Variants in CISD3 observed in about 807,000 individuals in gnomAD.
CISD3 encodes CDGSH iron sulfur domain 3.
CISD3 carries 11 observed loss-of-function variants against 14.1 expected under a neutral mutation model. The ratio of observed to expected loss-of-function variants is 0.78; its 90% CI spans 0.49 to 1.29. CISD3 has a LOEUF of 1.29. Ranked by LOEUF, CISD3 falls within the 50% of genes most tolerant of loss-of-function variation. The pLI is 0.00. For missense variants in CISD3, 156 were observed against 171.6 expected, an observed-to-expected ratio of 0.91 and a Z score of 0.51; for synonymous variants, 53 against 69.2, an observed-to-expected ratio of 0.77 and a Z score of 1.16.
At chr17:38,732,934 CAG>C (rs1468409140) in intron 3 of CISD3, among the ~76,000 whole-genome samples, 40 of 101,140 alleles carry the variant, frequency 4.0e-4, no homozygotes, top group African/African-American at 1.1e-3. Context: ...AGTGGAGACT[CAG>C]AGACACACAC....
intron 2 of CISD3, 130 bp downstream of exon 2, chr17:38,730,925 G>A: frequency 9.7e-7 from 1 of 1,026,680 alleles, no homozygotes; most frequent in South Asian, 1.5e-5. Flanking sequence ...GGCTCTCAGG[G>A]AGGTGGGGCG....
At chr17:38,731,126 T>C (rs1238123139) in intron 2 of CISD3, 194 bp from the exon 3 acceptor site, 8 of 741,558 alleles carry the variant, frequency 1.1e-5, no homozygotes, top group Non-Finnish European at 1.4e-5. Flanking sequence ...TGCATGGCTT[T>C]GAAATCTCCC....
chr17:38,730,769 C>G lies in CISD3; in HGVS notation c.58C>G (p.Pro20Ala), dbSNP rs572450635. Residue 20 changes from proline (P) to alanine (A), a missense_variant, in exon 2 of 4, where the codon CCG becomes GCG. Pro to Ala is a conservative substitution (Grantham distance 27, BLOSUM62 -1). Transcript: ENST00000613478. Reference protein sequence around the residue: ...PAARGARDLNPRRDISSWLAQ... With the variant: ...PAARGARDLNARRDISSWLAQ... ...CTTGCGTACCTTGCAGGACCTGAAC[C>G]CGCGGCGGGACATCTCCTCCTGGCT... 6 of 1,551,730 alleles carry G rather than the reference C, an allele frequency of 3.9e-6. No individual in the cohort carries two copies. Among genetic ancestry groups the G allele is most frequent in the Admixed American group, 2.0e-5 (1 of 50,996 alleles).
At chr17:38,731,251 G>T in intron 2 of CISD3, 69 bp from the exon 3 acceptor site, 1 of 1,526,718 alleles carries the variant, frequency 6.5e-7, no homozygotes, top group Non-Finnish European at 8.8e-7. Flanking sequence ...AAACTAGGAA[G>T]GGTCGCAGGC....
At position 38,733,562 on chromosome 17, in the gene CISD3, C is replaced by T; in HGVS notation, c.*107C>T. On this transcript the variant is annotated 3_prime_UTR_variant, in exon 4 of 4. Coordinates refer to ENST00000613478, the MANE Select transcript of CISD3 (RefSeq NM_001136498.2). Reference sequence around the variant, plus strand: ...TGCTGAGCCCAAGAGACTCTGGTACCCACTGCTGGCTCATGAAGGAAGAAT... The same window carrying T: ...TGCTGAGCCCAAGAGACTCTGGTACTCACTGCTGGCTCATGAAGGAAGAAT... The T allele has an allele frequency of 9.0e-7, 1 of 1,113,250 alleles. No individual in the cohort carries two copies. Among genetic ancestry groups the T allele is most frequent in the Non-Finnish European group, 1.2e-6 (1 of 807,484 alleles). 69.0% of individuals were successfully genotyped at this position (1,113,250 alleles called of 1,614,324 possible).
intron 1 of CISD3, 83 bp from the exon 2 acceptor site, chr17:38,730,677 G>A (rs1906290575): frequency 1.4e-6 from 2 of 1,403,104 alleles, no homozygotes; most frequent in South Asian, 1.2e-5. Flanking sequence ...ATGGCCTCCC[G>A]TGTCCTTCCC....
rs1275269332 is a variant in CISD3, at chr17:38,733,546, C to A, written c.*91C>A. On this transcript the variant is annotated 3_prime_UTR_variant, in exon 4 of 4. Coordinates refer to ENST00000613478, the MANE Select transcript of CISD3 (RefSeq NM_001136498.2). Reference sequence around the variant, plus strand: ...TGGGAAAGGAAACAGGTGCTGAGCCCAAGAGACTCTGGTACCCACTGCTGG... The same window carrying A: ...TGGGAAAGGAAACAGGTGCTGAGCCAAAGAGACTCTGGTACCCACTGCTGG... The A allele has an allele frequency of 1.6e-6, 2 of 1,279,376 alleles. No individual in the cohort carries two copies. Among genetic ancestry groups the A allele is most frequent in the Non-Finnish European group, 2.1e-6 (2 of 953,478 alleles). The allele number at this position is 1,279,376 out of a possible 1,614,324, so 79.3% of individuals were successfully genotyped here.
intron 1 of CISD3, 134 bp from the exon 2 acceptor site, chr17:38,730,626 C>T: frequency 1.1e-6 from 1 of 936,986 alleles, no homozygotes; most frequent in Admixed American, 2.1e-5. Flanking sequence ...CCCTCTCATT[C>T]CTCCCTCGCC....
rs945808137 is a variant in CISD3, at chr17:38,733,498, C to T, written c.*43C>T. Reference sequence around the variant, plus strand: ...AGCCACAGGTGGCCTTGGCTCCAGGCCTCTGACAGGCACCCCCTTCTGTGG... The same window carrying T: ...AGCCACAGGTGGCCTTGGCTCCAGGTCTCTGACAGGCACCCCCTTCTGTGG... On this transcript the variant is annotated 3_prime_UTR_variant, in exon 4 of 4. Transcript: ENST00000613478. The T allele has an allele frequency of 9.5e-6, 14 of 1,470,030 alleles. No homozygotes were observed. The African/African-American group carries it at 1.7e-4, about 18-fold the overall frequency. The allele number at this position is 1,470,030 out of a possible 1,614,324, so 91.1% of individuals were successfully genotyped here.
chr17:38,733,278 C>G lies in CISD3; in HGVS notation c.207C>G (p.Pro69=). ...WCVCGRSKKQ[P]FCDGSHFFQR... Reference sequence around the variant, plus strand: ...GACTCCTGTCTTTCCCCCACCAGCCCTTCTGTGACGGCTCCCACTTCTTCC... The same window carrying G: ...GACTCCTGTCTTTCCCCCACCAGCCGTTCTGTGACGGCTCCCACTTCTTCC... Residue 69 remains proline (P), a splice_region_variant and synonymous_variant, in exon 4 of 4, where the codon CCC becomes CCG. Transcript: ENST00000613478. 1.3e-6 allele frequency: 2 copies of G among 1,551,636 alleles called. No homozygotes were observed.
intron 1 of CISD3, 107 bp downstream of exon 1, chr17:38,730,513 G>T (rs1906284148): frequency 4.0e-6 from 4 of 989,230 alleles, no homozygotes; most frequent in Non-Finnish European, 5.7e-6. Flanking sequence ...CTCCCGGCCC[G>T]TCCCGCCGGT....
chr17:38,730,936 G>A, intron 2 of CISD3, 141 bp downstream of exon 2: 1 of 913,616 alleles, frequency 1.1e-6, no homozygotes, highest in Non-Finnish European at 1.7e-6. Flanking sequence ...AGGTGGGGCG[G>A]ACCAGAGGGC....
At position 38,731,346 on chromosome 17, in the gene CISD3, C is replaced by G. The variant is rs1007135334; in HGVS notation, c.111C>G (p.Ala37=). ...WLAQWFPRTP[A]RSVVALKTPI... ...CCCAGTGGTTCCCTAGAACCCCAGC[C>G]AGGTCCGTGGTGGCCCTGAAGACCC... The change falls in exon 3 of 4, where the codon GCC becomes GCG. Residue 37 remains alanine, a synonymous_variant. Transcript: ENST00000613478. 1.5e-5 allele frequency: 23 copies of G among 1,551,464 alleles called. No homozygotes were observed. The highest frequency in any genetic ancestry group is 2.0e-5 in the Non-Finnish European group (23 of 1,146,974).
chr17:38,730,454 G>A, intron 1 of CISD3, 48 bp downstream of exon 1: 1 of 1,221,754 alleles, frequency 8.2e-7, no homozygotes, highest in Non-Finnish European at 1.1e-6. Flanking sequence ...CCCCAGCCGG[G>A]CCCCTGCCAG....
In CISD3 at chr17:38,733,589, A is replaced by C; in HGVS notation, c.*134A>C. On this transcript the variant is annotated 3_prime_UTR_variant, in exon 4 of 4. Coordinates refer to ENST00000613478, the MANE Select transcript of CISD3 (RefSeq NM_001136498.2). ...ACTGCTGGCTCATGAAGGAAGAATTATTCCTTATAACCTAAAAGTCTCCAG... is the reference window on the plus strand; with the variant it reads ...ACTGCTGGCTCATGAAGGAAGAATTCTTCCTTATAACCTAAAAGTCTCCAG... 3.2e-6 allele frequency: 3 copies of C among 934,734 alleles called. No homozygotes were observed. Among genetic ancestry groups the C allele is most frequent in the Non-Finnish European group, 4.6e-6 (3 of 649,916 alleles). 57.9% of individuals were successfully genotyped at this position (934,734 alleles called of 1,614,324 possible).
In CISD3 at chr17:38,733,184, C is replaced by T. The variant is rs1906418182; in HGVS notation, c.205-92C>T. On this transcript the variant is annotated intron_variant, in intron 3 of 3. Transcript: ENST00000613478. ...TGCTCTGGAGCCTGTACCCTAACCA[C>T]TGTGCTCCACTCCCCCTGAGCTCCT... is the stretch of plus-strand genomic sequence containing the variant. 4.0e-6 allele frequency: 5 copies of T among 1,242,974 alleles called. No individual in the cohort carries two copies. In the South Asian group the frequency reaches 4.2e-5, roughly 10 times the overall value. The allele number at this position is 1,242,974 out of a possible 1,614,324, so 77.0% of individuals were successfully genotyped here. A position where few individuals can be genotyped will look rare whatever the true frequency, so the allele number is the denominator to read the frequency against.
intron 1 of CISD3, 143 bp from the exon 2 acceptor site, chr17:38,730,617 C>A: frequency 1.1e-6 from 1 of 890,802 alleles, no homozygotes; most frequent in Non-Finnish European, 1.8e-6. Flanking sequence ...TTTTTCTTAC[C>A]CTCTCATTCC....
At chr17:38,731,484 C>T (rs1876710279) in intron 3 of CISD3, 45 bp downstream of exon 3, 1 of 1,550,110 alleles carries the variant, frequency 6.5e-7, no homozygotes, top group South Asian at 1.2e-5. Context: ...TGGCTAGGAA[C>T]AGCCTGGTGT....
rs958015816 is a variant in CISD3, at chr17:38,733,690, A to G, written c.*235A>G. 9 of 530,590 alleles carry G rather than the reference A, an allele frequency of 1.7e-5. No homozygotes were observed. Among genetic ancestry groups the G allele is most frequent in the African/African-American group, 9.7e-5 (5 of 51,576 alleles). The allele number at this position is 530,590 out of a possible 1,614,324, so 32.9% of individuals were successfully genotyped here. On this transcript the variant is annotated 3_prime_UTR_variant, in exon 4 of 4. Coordinates refer to ENST00000613478, the MANE Select transcript of CISD3 (RefSeq NM_001136498.2). ...ATGGCAAAAACAAGCCTGCCCAACCAGACTGGTAGTCCTGCAGTCACTGCT... is the reference window on the plus strand; with the variant it reads ...ATGGCAAAAACAAGCCTGCCCAACCGGACTGGTAGTCCTGCAGTCACTGCT...
Sources: gnomAD v4.1 joint callset for allele counts (sites outside exome capture counted in the v4.1 genomes callset) on GRCh38, gnomAD v4.1.1 for gene constraint, MANE v1.5 for transcripts, NCBI Gene and HGNC (gene_info 2026-07-23, HGNC 2026-07-21) for gene names.